The following FOXN3 variants were observed in gnomAD, a reference collection of about 807,000 sequenced individuals.
FOXN3 encodes forkhead box N3.
FOXN3 carries 7 observed loss-of-function variants against 38.4 expected under a neutral mutation model. That is an observed-to-expected ratio of 0.18 (90% CI 0.10 to 0.34). FOXN3 has a LOEUF of 0.34. Among genes scored for constraint, FOXN3 ranks in the 10% least tolerant of loss-of-function variants. The pLI is 1.00. For missense variants in FOXN3, 456 were observed against 613.4 expected (o/e 0.74, Z 2.71); for synonymous variants, 230 against 242.2 (o/e 0.95, Z 0.47).
rs1376727393 is a variant in FOXN3 at position 89,336,663 on chromosome 14, C to G, written c.680+14009G>C. On this transcript the variant is annotated intron_variant, in intron 3 of 5. Transcript: ENST00000557258. ...CCAAGTCTGACACACAGTAGGTGCCCAATAAATGCTTGGTTTTCTGCCTCT... is the reference window on the plus strand; with the variant it reads ...CCAAGTCTGACACACAGTAGGTGCCGAATAAATGCTTGGTTTTCTGCCTCT... Among the ~76,000 whole-genome samples the G allele has an allele frequency of 7.9e-5, 12 of 152,256 alleles. No individual in the cohort carries two copies. In the East Asian group the frequency reaches 2.3e-3, roughly 29 times the overall value.
At chr14:89,568,076 C>T (rs1296297082) in intron 1 of FOXN3, among the ~76,000 whole-genome samples, 4 of 152,020 alleles carry the variant, frequency 2.6e-5, no homozygotes, top group African/African-American at 9.7e-5. Context: ...CCTATCCTCC[C>T]CTAAAACCTA....
intron 1 of FOXN3, among the ~76,000 whole-genome samples, chr14:89,414,795 C>A (rs1444779153): frequency 6.6e-6 from 1 of 152,124 alleles, no homozygotes; most frequent in Admixed American, 6.5e-5. Context: ...TCGTGATCCA[C>A]CCGCCTCGGC....
intron 4 of FOXN3, among the ~76,000 whole-genome samples, chr14:89,193,730 T>C (rs1260898695): frequency 6.6e-6 from 1 of 152,230 alleles, no homozygotes; most frequent in Admixed American, 6.5e-5. Flanking sequence ...TGTGTTTTCA[T>C]TTCTCTTGGA....
intron 1 of FOXN3, among the ~76,000 whole-genome samples, chr14:89,581,299 T>C (rs1043171690): frequency 5.9e-5 from 9 of 151,756 alleles, no homozygotes; most frequent in African/African-American, 1.7e-4. Context: ...CTGGCCAACA[T>C]AGTGAAACCC....
intron 4 of FOXN3, among the ~76,000 whole-genome samples, chr14:89,226,227 GAGAGAGAGAAAGGT>G (rs1884637107): frequency 6.6e-6 from 1 of 151,270 alleles, no homozygotes; most frequent in African/African-American, 2.4e-5. Flanking sequence ...GGGAGAGGTA[GAGAGAGAGAAAGGT>G]AGAGAGAGAG....
At chr14:89,233,591 G>A (rs7145243) in intron 4 of FOXN3, among the ~76,000 whole-genome samples, 10,443 of 151,410 alleles carry the variant, frequency 0.069, 1,184 homozygotes, top group African/African-American at 0.24. Context: ...TCTTTTTTAT[G>A]ATCTGTCATC....
upstream of FOXN3, among the ~76,000 whole-genome samples, chr14:89,418,286 GAA>G (rs1055868814): frequency 3.3e-5 from 5 of 151,660 alleles, no homozygotes; most frequent in Non-Finnish European, 7.4e-5. Flanking sequence ...GAAAACTACA[GAA>G]AAAAACAGCG....
chr14:89,606,501 C>G (rs150892058), intron 1 of FOXN3, among the ~76,000 whole-genome samples: 1 of 152,184 alleles, frequency 6.6e-6, no homozygotes, highest in African/African-American at 2.4e-5. Flanking sequence ...GGACTTCTCA[C>G]GCCTGAACAT....
intron 1 of FOXN3, among the ~76,000 whole-genome samples, chr14:89,491,237 A>C (rs961192946): frequency 6.6e-6 from 1 of 151,980 alleles, no homozygotes; most frequent in Non-Finnish European, 1.5e-5. Flanking sequence ...CAGCCTCCCA[A>C]AGTGCTGGGA....
intron 4 of FOXN3, among the ~76,000 whole-genome samples, chr14:89,211,007 A>G (rs1454015168): frequency 6.6e-6 from 1 of 152,240 alleles, no homozygotes; most frequent in Non-Finnish European, 1.5e-5. Context: ...AAACCAAAAA[A>G]CAAAAGAGAA....
intron 1 of FOXN3, among the ~76,000 whole-genome samples, chr14:89,475,017 T>C (rs966720845): frequency 1.3e-5 from 2 of 151,968 alleles, no homozygotes; most frequent in African/African-American, 4.8e-5. Context: ...AGTTTCATCA[T>C]GTTGGCCAGG....
At chr14:89,251,563 G>A (rs1000732504) in intron 4 of FOXN3, among the ~76,000 whole-genome samples, 47 of 152,226 alleles carry the variant, frequency 3.1e-4, no homozygotes, top group African/African-American at 1.1e-3. Flanking sequence ...AATGTGGAAT[G>A]TGGGTGGATT....
At chr14:89,605,458 A>G (rs529840931) in intron 1 of FOXN3, among the ~76,000 whole-genome samples, 1 of 152,272 alleles carries the variant, frequency 6.6e-6, no homozygotes, top group Admixed American at 6.5e-5. Context: ...AGAATTCAAA[A>G]GAAAGCAAGA....
Position 89,511,177 on chromosome 14 carries a change from CTTTCTTTCTTTCTTTTCTTTCTTTCTTTT to C in FOXN3, c.-14-98716_-14-98688del, listed in dbSNP as rs1566680952. On this transcript the variant is annotated intron_variant, in intron 1 of 6. Coordinates refer to the FOXN3 transcript ENST00000345097. The stretch of plus-strand genomic sequence containing the variant: ...TCTTTCTTTCTTTCTTTCTTTCTTT[CTTTCTTTCTTTCTTTTCTTTCTTTCTTTT>C]CTTTCTTTCTTTCTTTCTTTCTTTT... 1.8e-3 allele frequency among the ~76,000 whole-genome samples: 89 copies of C among 49,050 alleles called. 15 individuals carry two copies. Among genetic ancestry groups the C allele is most frequent in the Middle Eastern group, 0.022 (2 of 90 alleles). 32.2% of individuals were successfully genotyped at this position (49,050 alleles called of 152,430 possible).
At chr14:89,177,236 C>G (rs907828579) in intron 5 of FOXN3, among the ~76,000 whole-genome samples, 1 of 152,108 alleles carries the variant, frequency 6.6e-6, no homozygotes. Flanking sequence ...GTCTTGAACT[C>G]CTGACCTCAG....
At chr14:89,342,797 C>T (rs561704068) in intron 3 of FOXN3, among the ~76,000 whole-genome samples, 13 of 152,240 alleles carry the variant, frequency 8.5e-5, no homozygotes, top group Non-Finnish European at 1.3e-4. Flanking sequence ...GCAAAAAGTG[C>T]TGTTTAAACA....
Position 89,162,552 on chromosome 14 carries a change from G to A in FOXN3, c.1269C>T (p.Pro423=). The change falls in exon 6 of 6, where the codon CCC becomes CCT. Residue 423 remains proline, a synonymous_variant. Transcript: ENST00000557258. The surrounding 1 kb of genome is among the most constrained non-coding windows in gnomAD (Gnocchi z 7.2). ...LPLKKRRTEK[P]PESDDEEMKE... ...TCATCTCCTCATCATCGCTCTCGGG[G>A]GGCTTTTCGGTGCGTCTCTTTTTGA... 1 of 1,613,996 alleles carries A rather than the reference G, an allele frequency of 6.2e-7. No individual in the cohort carries two copies. The highest frequency in any genetic ancestry group is 8.5e-7 in the Non-Finnish European group (1 of 1,180,002).
chr14:89,519,482 G>A (rs1894276679), intron 1 of FOXN3, among the ~76,000 whole-genome samples: 1 of 152,208 alleles, frequency 6.6e-6, no homozygotes, highest in African/African-American at 2.4e-5. Context: ...GAGAGCCACT[G>A]GAGCTCTCTG....
intron 3 of FOXN3, among the ~76,000 whole-genome samples, chr14:89,304,038 G>C (rs752833762): frequency 2.6e-5 from 4 of 152,212 alleles, no homozygotes; most frequent in African/African-American, 7.2e-5. Context: ...GTTGAAGGCA[G>C]CCGTTTCCAG....
Sources: gnomAD v4.1 joint callset for allele counts (sites outside exome capture counted in the v4.1 genomes callset) on GRCh38, gnomAD v4.1.1 for gene constraint, Gnocchi (gnomAD v3.1) non-coding constraint, MANE v1.5 for transcripts, NCBI Gene and HGNC (gene_info 2026-07-23, HGNC 2026-07-21) for gene names.